The following DMRTC1 variants were observed in gnomAD, a reference collection of about 807,000 sequenced individuals.
DMRTC1 encodes doublesex- and mab-3-related transcription factor C1.
For synonymous variants in DMRTC1, 7 were observed against 14.1 expected, an observed-to-expected ratio of 0.50 and a Z score of 1.13; for missense variants, 9 against 34.6, an observed-to-expected ratio of 0.26 and a Z score of 1.86.
chrX:72,879,813 C>T (rs1270859250), intron 1 of DMRTC1, among the ~76,000 whole-genome samples: 56 of 77,754 alleles, frequency 7.2e-4, no homozygotes, highest in African/African-American at 2.4e-3. Flanking sequence ...TTCCTCCCTC[C>T]CTCCTTCCCT....
rs781820533 is a variant in DMRTC1, at chrX:72,911,864, CCTT to C, written c.-95+31708_-95+31710del. ...TCAGTTTGTTTTTGAGACAGAGTCT[CCTT>C]CTGTCTCCCAGCCTGGAGTGCAGTG... On this transcript the variant is annotated intron_variant, in intron 1 of 6. Transcript: ENST00000615063. 5.5e-3 allele frequency among the ~76,000 whole-genome samples: 443 copies of C among 80,453 alleles called. 9 individuals are homozygous for C. Among genetic ancestry groups the C allele is most frequent in the African/African-American group, 0.02 (417 of 20,677 alleles). 69.9% of individuals were successfully genotyped at this position (80,453 alleles called of 115,157 possible).
chrX:72,874,680 C>T, intron 4 of DMRTC1, 145 bp downstream of exon 4: 1 of 952,501 alleles, frequency 1.0e-6, no homozygotes, highest in Non-Finnish European at 1.4e-6. Flanking sequence ...CTCCCTCCTC[C>T]TCCTCCTCCT....
chrX:72,879,143 G>GTTTTTT, intron 1 of DMRTC1, among the ~76,000 whole-genome samples: 1 of 27,886 alleles, frequency 3.6e-5, no homozygotes, highest in Non-Finnish European at 6.3e-5. Context: ...GGGGTTTTTT[G>GTTTTTT]TTTGTTTTTT....
At chrX:72,905,511 TTTA>T (rs1428547804) in intron 1 of DMRTC1, among the ~76,000 whole-genome samples, 9 of 21,910 alleles carry the variant, frequency 4.1e-4, no homozygotes, top group African/African-American at 1.7e-3. Context: ...TATTTATTTA[TTTA>T]TTATTTTATT....
chrX:72,913,362 G>C, intron 1 of DMRTC1: 1 of 500,844 alleles, frequency 2.0e-6, no homozygotes. Flanking sequence ...CAGTGTCCCG[G>C]TCACCGGGCC....
At chrX:72,916,243 C>T (rs1414422854) in intron 1 of DMRTC1, among the ~76,000 whole-genome samples, 7 of 108,208 alleles carry the variant, frequency 6.5e-5, no homozygotes, top group Non-Finnish European at 9.4e-5. Context: ...GTGTGATCAC[C>T]ATTCTGAGGT....
intron 1 of DMRTC1, among the ~76,000 whole-genome samples, chrX:72,882,221 C>T (rs1225330514): frequency 3.1e-5 from 2 of 64,900 alleles, no homozygotes; most frequent in South Asian, 2.1e-3. Context: ...TCACCCCCTC[C>T]CCCACCTCGT....
At chrX:72,886,959 T>C (rs2054882518) in intron 1 of DMRTC1, among the ~76,000 whole-genome samples, 1 of 107,744 alleles carries the variant, frequency 9.3e-6, no homozygotes, top group Non-Finnish European at 1.9e-5. Context: ...ACATCCTTGG[T>C]CACATTTATT....
chrX:72,882,135 A>G (rs2054869367), intron 1 of DMRTC1, among the ~76,000 whole-genome samples: 1 of 79,522 alleles, frequency 1.3e-5, no homozygotes, highest in African/African-American at 4.7e-5. Context: ...TTGTTGGTTA[A>G]AAAGTGGTGA....
At chrX:72,912,947 CAAA>C in intron 1 of DMRTC1, 1 of 484,145 alleles carries the variant, frequency 2.1e-6, no homozygotes, top group Non-Finnish European at 3.7e-6. Context: ...GAAAGGGCCG[CAAA>C]AAGACCCTGA....
chrX:72,905,536 T>TCTCG (rs1176097870), intron 1 of DMRTC1, among the ~76,000 whole-genome samples: 1 of 34,246 alleles, frequency 2.9e-5, no homozygotes, highest in Non-Finnish European at 5.2e-5. Context: ...TGAGACGGAG[T>TCTCG]CTCGCTCTGT....
At chrX:72,879,694 A>G (rs1377082742) in intron 1 of DMRTC1, among the ~76,000 whole-genome samples, 2 of 112,693 alleles carry the variant, frequency 1.8e-5, no homozygotes, top group East Asian at 5.5e-4. Flanking sequence ...AAAATCATAA[A>G]TGTATATCTT....
chrX:72,902,988 A>G (rs1313929930), intron 1 of DMRTC1, among the ~76,000 whole-genome samples: 1 of 48,403 alleles, frequency 2.1e-5, no homozygotes, highest in Non-Finnish European at 3.2e-5. Flanking sequence ...ATCCCTGATG[A>G]ACATTGATGC....
intron 1 of DMRTC1, among the ~76,000 whole-genome samples, chrX:72,906,114 C>T (rs1186536503): frequency 2.3e-4 from 16 of 68,604 alleles, no homozygotes; most frequent in Admixed American, 2.1e-3. Flanking sequence ...TGAACAATTA[C>T]GCAGCAATAA....
chrX:72,874,474 T>C (rs2054787003), intron 4 of DMRTC1, among the ~76,000 whole-genome samples: 1 of 47,721 alleles, frequency 2.1e-5, no homozygotes, highest in Non-Finnish European at 3.4e-5. Flanking sequence ...TGGCAGGCCT[T>C]GTGCCCGTTC....
chrX:72,882,039 G>C (rs2054867626), intron 1 of DMRTC1, among the ~76,000 whole-genome samples: 1 of 107,879 alleles, frequency 9.3e-6, no homozygotes, highest in Admixed American at 9.9e-5. Flanking sequence ...ATATTTCGAT[G>C]ACATGCGGAT....
intron 1 of DMRTC1, chrX:72,913,376 A>G (rs1421624249): frequency 3.6e-5 from 17 of 466,484 alleles, no homozygotes; most frequent in Non-Finnish European, 6.4e-5. Context: ...CCGGGCCTGA[A>G]ATAAATGCTG....
intron 1 of DMRTC1, among the ~76,000 whole-genome samples, chrX:72,879,043 C>T: frequency 1.7e-5 from 1 of 57,661 alleles, no homozygotes; most frequent in Non-Finnish European, 3.1e-5. Flanking sequence ...GTGACTTGAT[C>T]TTAAAGTCTG....
chrX:72,913,087 G>A (rs2054962976), intron 1 of DMRTC1: 7 of 483,121 alleles, frequency 1.4e-5, no homozygotes, highest in Admixed American at 3.2e-5. Flanking sequence ...GTTTCATCAA[G>A]TGCTTCAGGC....
Sources: allele counts gnomAD v4.1 joint callset (sites outside exome capture counted in the v4.1 genomes callset), GRCh38; gene constraint gnomAD v4.1.1; transcripts MANE v1.5; gene names NCBI Gene and HGNC (gene_info 2026-07-23, HGNC 2026-07-21).